MECOM: variants seen among roughly 807,000 people sequenced by gnomAD.
MECOM encodes the protein histone-lysine N-methyltransferase MECOM.
In MECOM, 13 loss-of-function variants were observed where a neutral mutation model predicts 116.3. That is an observed-to-expected ratio of 0.11 (90% CI 0.07 to 0.18). The LOEUF (loss-of-function observed/expected upper bound fraction) is 0.18. Ranked by LOEUF, MECOM falls within the 10% of genes least tolerant of loss-of-function variation. The pLI is 1.00. For missense variants in MECOM, 1,299 were observed against 1,509.0 expected (o/e 0.86, Z 2.31); for synonymous variants, 528 against 535.2 (o/e 0.99, Z 0.19).
intron 2 of MECOM, among the ~76,000 whole-genome samples, chr3:169,260,654 T>C (rs894472816): frequency 5.3e-5 from 8 of 152,240 alleles, no homozygotes; most frequent in African/African-American, 1.7e-4. Flanking sequence ...GCTGCTAAAA[T>C]AGCCATACAT....
At chr3:169,659,761 T>A (rs78039345) in intron 1 of MECOM, among the ~76,000 whole-genome samples, 3,662 of 151,908 alleles carry the variant, frequency 0.024, 63 homozygotes, top group Non-Finnish European at 0.035. Context: ...GGTGTTGTGT[T>A]TGTTGTTGTG....
At chr3:169,596,754 A>G (rs2109697034) in intron 1 of MECOM, among the ~76,000 whole-genome samples, 1 of 152,320 alleles carries the variant, frequency 6.6e-6, no homozygotes, top group South Asian at 2.1e-4. Flanking sequence ...TCCAGTTAGC[A>G]ACAAATATAA....
At chr3:169,266,069 C>T (rs765363702) in intron 2 of MECOM, among the ~76,000 whole-genome samples, 12 of 152,100 alleles carry the variant, frequency 7.9e-5, no homozygotes, top group Non-Finnish European at 1.8e-4. Context: ...AACATGGCTG[C>T]CAGTCAGACA....
At position 169,086,880 on chromosome 3, in the gene MECOM, A is replaced by G. The variant is rs1370563723; in HGVS notation, c.3586-1837T>C. 2.0e-5 allele frequency among the ~76,000 whole-genome samples: 3 copies of G among 152,222 alleles called. No homozygotes were observed. The East Asian group carries it at 5.8e-4, about 29-fold the overall frequency. On this transcript the variant is annotated intron_variant, in intron 16 of 16. Transcript: ENST00000651503. ...AGCCTTTAGATTCTAGAAAATGGCA[A>G]AACAGCATATCTGCCTTTTGGTAAT...
intron 2 of MECOM, among the ~76,000 whole-genome samples, chr3:169,214,175 G>A (rs1751126844): frequency 6.6e-6 from 1 of 151,966 alleles, no homozygotes; most frequent in Non-Finnish European, 1.5e-5. Flanking sequence ...CTTTGTAAAA[G>A]CCAACTTTTT....
intron 2 of MECOM, among the ~76,000 whole-genome samples, chr3:169,330,557 A>G (rs1284045850): frequency 6.6e-6 from 1 of 152,180 alleles, no homozygotes; most frequent in African/African-American, 2.4e-5. Context: ...GCAAATAACA[A>G]TCTTAATAAA....
At chr3:169,481,887 G>T (rs1030844071) in intron 1 of MECOM, among the ~76,000 whole-genome samples, 1 of 152,090 alleles carries the variant, frequency 6.6e-6, no homozygotes, top group Non-Finnish European at 1.5e-5. Context: ...TCAAAGATCT[G>T]CCCCAACTGG....
intron 2 of MECOM, among the ~76,000 whole-genome samples, chr3:169,368,726 A>G (rs1729595401): frequency 1.3e-5 from 2 of 152,184 alleles, no homozygotes; most frequent in South Asian, 4.1e-4. Context: ...ATTAAGCATC[A>G]TAAAGAATCT....
At chr3:169,170,403 C>CAAAAAAAAAAAAAAAAAAAAA in intron 2 of MECOM, among the ~76,000 whole-genome samples, 1 of 74,366 alleles carries the variant, frequency 1.3e-5, no homozygotes, top group Non-Finnish European at 2.7e-5. Context: ...AAGACTCTGT[C>CAAAAAAAAAAAAAAAAAAAAA]AAAAAAAAAA....
At chr3:169,110,628 G>C (rs1727048982) in intron 9 of MECOM, among the ~76,000 whole-genome samples, 2 of 152,170 alleles carry the variant, frequency 1.3e-5, no homozygotes, top group South Asian at 4.1e-4. Flanking sequence ...ACACCCCTCA[G>C]ATAGTCCCAC....
At chr3:169,544,517 C>T (rs1053680666) in intron 1 of MECOM, among the ~76,000 whole-genome samples, 1 of 152,180 alleles carries the variant, frequency 6.6e-6, no homozygotes, top group African/African-American at 2.4e-5. Context: ...ACAGCCTCAC[C>T]AGCATCTGTT....
At chr3:169,378,897 T>C (rs1422217453) in intron 2 of MECOM, among the ~76,000 whole-genome samples, 2 of 152,054 alleles carry the variant, frequency 1.3e-5, no homozygotes, top group Non-Finnish European at 2.9e-5. Context: ...GGATTTTCTC[T>C]GTATTTATTT....
In MECOM at chr3:169,663,554, T is replaced by TTC. The variant is rs1245743725; in HGVS notation, c.-184_-183dup. ...TCCCTCCCTCCTGTTTCTCTCCTGT[T>TTC]TCTCTCTCTCTTCCACACACTCACT... On this transcript the variant is annotated 5_prime_UTR_variant, in exon 1 of 17. Transcript: ENST00000651503. The TTC allele has an allele frequency of 1.2e-5, 7 of 575,312 alleles. No homozygotes were observed. The highest frequency in any genetic ancestry group is 4.5e-5 in the African/African-American group (2 of 44,418). 35.6% of individuals were successfully genotyped at this position (575,312 alleles called of 1,614,324 possible). A position where few individuals can be genotyped will look rare whatever the true frequency, so the allele number is the denominator to read the frequency against.
At chr3:169,424,260 A>G (rs1333684251) in intron 1 of MECOM, among the ~76,000 whole-genome samples, 1 of 152,142 alleles carries the variant, frequency 6.6e-6, no homozygotes, top group Non-Finnish European at 1.5e-5. Context: ...GGTTTCGTCA[A>G]ATTCCTACCA....
intron 2 of MECOM, among the ~76,000 whole-genome samples, chr3:169,303,030 T>C (rs1717038354): frequency 6.6e-6 from 1 of 152,190 alleles, no homozygotes; most frequent in African/African-American, 2.4e-5. Context: ...AGATGACATA[T>C]ACTCAACTAC....
chr3:169,582,788 T>C (rs556492880), intron 1 of MECOM, among the ~76,000 whole-genome samples: 5 of 152,228 alleles, frequency 3.3e-5, no homozygotes, highest in Admixed American at 1.3e-4. Flanking sequence ...AGGAGGCACA[T>C]TGTACAAGTT....
At chr3:169,126,634 A>C (rs1171538932) in intron 5 of MECOM, among the ~76,000 whole-genome samples, 1 of 152,086 alleles carries the variant, frequency 6.6e-6, no homozygotes, top group Non-Finnish European at 1.5e-5. Flanking sequence ...CTAATAGCTA[A>C]ATTAGTCCTA....
Position 169,116,332 on chromosome 3 carries a change from C to T in MECOM, c.1540G>A (p.Gly514Arg). Reference protein sequence around the residue: ...PLIPASSPVKGLSSTEQTNKS... With the variant: ...PLIPASSPVKRLSSTEQTNKS... ...TTTGTCTGTTCAGTACTTGATAGTC[C>T]TTTAACAGGAGAACTAGCAGGTATC... The change falls in exon 8 of 17, where the codon GGA (glycine) becomes AGA (arginine). Residue 514 changes from glycine to arginine, a missense_variant. Gly to Arg is a moderately radical substitution (Grantham distance 125, BLOSUM62 -2). Transcript: ENST00000651503. 1 of 1,614,134 alleles carries T rather than the reference C, an allele frequency of 6.2e-7. No individual in the cohort carries two copies. Among genetic ancestry groups the T allele is most frequent in the Non-Finnish European group, 8.5e-7 (1 of 1,180,028 alleles).
chr3:169,503,243 G>A (rs1406912725), intron 1 of MECOM, among the ~76,000 whole-genome samples: 3 of 152,052 alleles, frequency 2.0e-5, no homozygotes. Flanking sequence ...TATAATCTCA[G>A]AAACACTAAA....
Sources: allele counts gnomAD v4.1 joint callset (sites outside exome capture counted in the v4.1 genomes callset), GRCh38; gene constraint gnomAD v4.1.1; transcripts MANE v1.5; gene names NCBI Gene and HGNC (gene_info 2026-07-23, HGNC 2026-07-21).